Variants in FER observed in about 807,000 individuals in gnomAD.
FER encodes tyrosine-protein kinase Fer.
In FER, 63 loss-of-function variants were observed where a neutral mutation model predicts 111.0. The observed-to-expected ratio is 0.57, with a 90% CI of 0.46 to 0.70. The LOEUF (loss-of-function observed/expected upper bound fraction) is 0.70, where lower values mean the gene tolerates loss of function less well. FER is among the 30% of genes least tolerant of loss of function. The pLI is 0.00. For missense variants in FER, 914 were observed against 954.0 expected (o/e 0.96, Z 0.55); for synonymous variants, 327 against 313.9 (o/e 1.04, Z -0.44).
chr5:108,935,841 G>T (rs912815146), intron 10 of FER, among the ~76,000 whole-genome samples: 3 of 152,016 alleles, frequency 2.0e-5, no homozygotes, highest in Admixed American at 6.6e-5. Flanking sequence ...CATAGATTCT[G>T]AATCAAGTGT....
chr5:108,826,046 C>G (rs942159269), intron 3 of FER, among the ~76,000 whole-genome samples: 1 of 152,124 alleles, frequency 6.6e-6, no homozygotes, highest in African/African-American at 2.4e-5. Context: ...TTACCATTGA[C>G]TATGTTAGCT....
At chr5:109,148,727 C>CT (rs1435111295) in intron 17 of FER, among the ~76,000 whole-genome samples, 1 of 152,058 alleles carries the variant, frequency 6.6e-6, no homozygotes, top group Non-Finnish European at 1.5e-5. Flanking sequence ...ATGTAAAATA[C>CT]TTTTTTTCTT....
intron 5 of FER, among the ~76,000 whole-genome samples, chr5:108,838,346 G>C (rs974389257): frequency 6.6e-6 from 1 of 152,164 alleles, no homozygotes; most frequent in Non-Finnish European, 1.5e-5. Context: ...CTGGCATCCA[G>C]AGTCATTACT....
chr5:108,753,176 A>G (rs1750689501), intron 1 of FER, among the ~76,000 whole-genome samples: 1 of 152,144 alleles, frequency 6.6e-6, no homozygotes, highest in Non-Finnish European at 1.5e-5. Context: ...TCAGTTCTTT[A>G]TGTGATAACA....
At chr5:108,862,650 C>T (rs1462834897) in intron 5 of FER, among the ~76,000 whole-genome samples, 1 of 152,156 alleles carries the variant, frequency 6.6e-6, no homozygotes, top group Non-Finnish European at 1.5e-5. Context: ...ACACAGTACT[C>T]AAATACACTT....
chr5:108,790,527 T>C lies in FER; in HGVS notation c.-59-7597T>C, dbSNP rs964020879. Among the ~76,000 whole-genome samples, 9 of 152,158 alleles carry C rather than the reference T, an allele frequency of 5.9e-5. 1 individual carries two copies. Among genetic ancestry groups the C allele is most frequent in the African/African-American group, 1.9e-4 (8 of 41,444 alleles). On this transcript the variant is annotated intron_variant, in intron 2 of 19. Coordinates refer to ENST00000281092, the MANE Select transcript of FER (RefSeq NM_005246.4). Reference sequence around the variant, plus strand: ...TTTACTGCCTGAAATTCTAGGAAACTGGGGTACCAAATAAATTCTACCATC... The same window carrying C: ...TTTACTGCCTGAAATTCTAGGAAACCGGGGTACCAAATAAATTCTACCATC...
intron 9 of FER, among the ~76,000 whole-genome samples, chr5:108,885,874 G>A (rs1002125479): frequency 6.6e-6 from 1 of 151,854 alleles, no homozygotes. Flanking sequence ...CAAATTTTTA[G>A]TATTGCATTA....
chr5:108,890,093 C>T (rs1747797442), intron 9 of FER, among the ~76,000 whole-genome samples: 1 of 152,020 alleles, frequency 6.6e-6, no homozygotes, highest in South Asian at 2.1e-4. Context: ...CTTTTAGCCA[C>T]ACTTCCTTCA....
At chr5:108,914,291 A>G (rs1001118300) in intron 10 of FER, among the ~76,000 whole-genome samples, 1 of 151,444 alleles carries the variant, frequency 6.6e-6, no homozygotes. Flanking sequence ...TGAGCTTTCT[A>G]TGGCTATCTT....
At chr5:109,060,545 G>A (rs551756100) in intron 16 of FER, among the ~76,000 whole-genome samples, 2 of 152,126 alleles carry the variant, frequency 1.3e-5, no homozygotes, top group East Asian at 1.9e-4. Context: ...TTAGCTGGGC[G>A]TGGTGGTGTG....
chr5:109,090,064 G>A (rs1025437345), intron 16 of FER, among the ~76,000 whole-genome samples: 1 of 152,154 alleles, frequency 6.6e-6, no homozygotes, highest in South Asian at 2.1e-4. Flanking sequence ...TTGGAGGTCT[G>A]TCTGAAGGAC....
In FER at chr5:108,865,964, A is replaced by G. The variant is rs562592499; in HGVS notation, c.482-1803A>G. Among the ~76,000 whole-genome samples the G allele has an allele frequency of 2.0e-5, 3 of 152,354 alleles. No homozygotes were observed. The South Asian group carries it at 6.2e-4, about 32-fold the overall frequency. ...GGTGCTGGAGAGGATGTGGAGAAAT[A>G]GGAACACTTTTACACTGTTGGTGGG... On this transcript the variant is annotated intron_variant, in intron 5 of 19. Transcript: ENST00000281092.
intron 17 of FER, among the ~76,000 whole-genome samples, chr5:109,144,454 C>T (rs556986055): frequency 3.3e-5 from 5 of 152,226 alleles, no homozygotes; most frequent in East Asian, 3.9e-4. Context: ...CCCTGCACTC[C>T]GTAGCATGCT....
intron 2 of FER, among the ~76,000 whole-genome samples, chr5:108,771,896 G>A (rs1440032932): frequency 6.6e-6 from 1 of 152,064 alleles, no homozygotes; most frequent in African/African-American, 2.4e-5. Flanking sequence ...GAATGTATTT[G>A]TCTTTTTGTT....
At chr5:108,823,217 C>T (rs1341440007) in intron 3 of FER, among the ~76,000 whole-genome samples, 2 of 152,172 alleles carry the variant, frequency 1.3e-5, no homozygotes, top group Admixed American at 6.5e-5. Context: ...AAATAATATG[C>T]AAGCTGTAGC....
At chr5:109,008,247 AATT>A (rs2149796318) in intron 13 of FER, among the ~76,000 whole-genome samples, 1 of 152,340 alleles carries the variant, frequency 6.6e-6, no homozygotes, top group Admixed American at 6.5e-5. Context: ...ACATAATGGT[AATT>A]ATTCTTCCTG....
intron 10 of FER, among the ~76,000 whole-genome samples, chr5:108,909,751 G>A (rs927418904): frequency 4.6e-5 from 7 of 151,194 alleles, no homozygotes; most frequent in Non-Finnish European, 7.4e-5. Flanking sequence ...AGAATACTTC[G>A]GTGAAGTAAA....
At chr5:108,806,563 G>A (rs1757230582) in intron 3 of FER, among the ~76,000 whole-genome samples, 1 of 152,214 alleles carries the variant, frequency 6.6e-6, no homozygotes. Flanking sequence ...AAAGCCACAG[G>A]GGCAGAGCTG....
rs746198039 is a variant in FER at position 109,037,406 on chromosome 5, T to A, written c.1657-16T>A. On this transcript the variant is annotated splice_polypyrimidine_tract_variant and intron_variant, in intron 13 of 19. Coordinates refer to ENST00000281092, the MANE Select transcript of FER (RefSeq NM_005246.4). ...CCTTGCTTGTACTAAACAACTGTTC[T>A]TATTCTTTGCTGTAGGACAAGAAAT... 1.2e-6 allele frequency: 2 copies of A among 1,608,772 alleles called. No individual in the cohort carries two copies.
Sources: gnomAD v4.1 joint callset for allele counts (sites outside exome capture counted in the v4.1 genomes callset) on GRCh38, gnomAD v4.1.1 for gene constraint, MANE v1.5 for transcripts, NCBI Gene and HGNC (gene_info 2026-07-23, HGNC 2026-07-21) for gene names.